MACF1: variants seen among roughly 807,000 people sequenced by gnomAD.
The protein encoded by MACF1 is microtubule actin crosslinking factor 1, also known as microtubule-actin cross-linking factor 1.
A neutral mutation model predicts 854.8 loss-of-function variants in MACF1; 193 were observed. That is an observed-to-expected ratio of 0.23 (90% CI 0.20 to 0.25). MACF1 has a LOEUF of 0.25. Ranked by LOEUF, MACF1 falls within the 10% of genes least tolerant of loss-of-function variation. The probability of loss-of-function intolerance (pLI) is 1.00; values close to 1 mark genes in which losing one functional copy is unlikely to be tolerated. For missense variants in MACF1, 7,722 were observed against 8,929.1 expected (o/e 0.86, Z 5.45); for synonymous variants, 3,185 against 3,226.7 (o/e 0.99, Z 0.44).
chr1:39,371,319 CAAAAAAAAAAAA>C (rs764951315), intron 51 of MACF1, among the ~76,000 whole-genome samples: 7 of 81,306 alleles, frequency 8.6e-5, no homozygotes, highest in African/African-American at 3.0e-4. Context: ...GACTCTGTCT[CAAAAAAAAAAAA>C]AAAAAAAAAG....
chr1:39,365,827 C>CA (rs1557612194), intron 49 of MACF1, among the ~76,000 whole-genome samples: 1 of 152,146 alleles, frequency 6.6e-6, no homozygotes, highest in East Asian at 1.9e-4. Context: ...AGGGGCCTGC[C>CA]ACCACGCCTG....
At chr1:39,121,856 G>A (rs1467777440) in intron 2 of MACF1, among the ~76,000 whole-genome samples, 1 of 152,176 alleles carries the variant, frequency 6.6e-6, no homozygotes, top group African/African-American at 2.4e-5. Flanking sequence ...TTCCCAGAGG[G>A]TCACACAGCT....
rs773109541 is a variant in MACF1, at chr1:39,427,630, A to G, written c.16476+16A>G. ...TCGGCACAAGGTAGGGAGTGGTTAC[A>G]GTAAATGAAAATAGAAAACTGGAAT... is the stretch of plus-strand genomic sequence containing the variant. On this transcript the variant is annotated intron_variant, in intron 62 of 100. Coordinates refer to ENST00000564288, the MANE Select transcript of MACF1 (RefSeq NM_001394062.1). 13 of 1,599,288 alleles carry G rather than the reference A, an allele frequency of 8.1e-6. No individual in the cohort carries two copies. The Admixed American group carries it at 2.0e-4, about 24-fold the overall frequency.
chr1:39,112,336 G>A (rs1000460567), intron 2 of MACF1, among the ~76,000 whole-genome samples: 17 of 151,870 alleles, frequency 1.1e-4, no homozygotes, highest in Admixed American at 9.8e-4. Flanking sequence ...TGCCCTCCTC[G>A]ACCTCTCAAA....
At chr1:39,224,540 G>A (rs923322732) in intron 1 of MACF1, among the ~76,000 whole-genome samples, 5 of 152,132 alleles carry the variant, frequency 3.3e-5, no homozygotes, top group African/African-American at 1.2e-4. Context: ...ACTGTGGGGA[G>A]AGCAATTTCA....
At chr1:39,135,381 G>A (rs1340908788) in intron 2 of MACF1, among the ~76,000 whole-genome samples, 1 of 152,020 alleles carries the variant, frequency 6.6e-6, no homozygotes, top group Non-Finnish European at 1.5e-5. Context: ...CGAGTAGCTG[G>A]GATTACAGGT....
chr1:39,121,277 A>C (rs1642702756), intron 2 of MACF1, among the ~76,000 whole-genome samples: 1 of 152,084 alleles, frequency 6.6e-6, no homozygotes, highest in African/African-American at 2.4e-5. Context: ...GTTTTAAAAA[A>C]GTTTAAATAA....
intron 5 of MACF1, 27 bp from the exon 6 acceptor site, chr1:39,257,909 T>TC (rs746351897): frequency 2.6e-6 from 4 of 1,544,098 alleles, no homozygotes; most frequent in Non-Finnish European, 3.6e-6. Context: ...CCTAGAGCTC[T>TC]GAGCCGTGCT....
Position 39,308,867 on chromosome 1 carries a change from G to T in MACF1, c.2790-703G>T, listed in dbSNP as rs151007046. On this transcript the variant is annotated intron_variant, in intron 23 of 100. Coordinates refer to ENST00000564288, the MANE Select transcript of MACF1 (RefSeq NM_001394062.1). Reference sequence around the variant, plus strand: ...GATGGGGTTTCTCCTTGTTGGTCAGGCTGGTCTTGAACTCCCGACCTCAGG... The same window carrying T: ...GATGGGGTTTCTCCTTGTTGGTCAGTCTGGTCTTGAACTCCCGACCTCAGG... Among the ~76,000 whole-genome samples, 745 of 152,034 alleles carry T rather than the reference G, an allele frequency of 4.9e-3. 9 individuals carry two copies. The highest frequency in any genetic ancestry group is 0.017 in the African/African-American group (698 of 41,468).
At chr1:39,464,998 T>G in intron 94 of MACF1, 97 bp from the exon 95 acceptor site, 1 of 1,071,668 alleles carries the variant, frequency 9.3e-7, no homozygotes, top group Non-Finnish European at 1.4e-6. Flanking sequence ...CAGAAAAATG[T>G]AATGATATGA....
intron 1 of MACF1, among the ~76,000 whole-genome samples, chr1:39,224,131 G>A (rs1341231495): frequency 6.6e-6 from 1 of 152,104 alleles, no homozygotes; most frequent in Non-Finnish European, 1.5e-5. Flanking sequence ...AAGGGAGAAT[G>A]TAAAGAACAG....
chr1:39,293,428 G>T, intron 17 of MACF1, 30 bp from the exon 18 acceptor site: 1 of 1,586,026 alleles, frequency 6.3e-7, no homozygotes, highest in East Asian at 2.2e-5. Flanking sequence ...AAGGCTGCCA[G>T]TCTAATCTTA....
rs1256498105 is a variant in MACF1, at chr1:39,084,671, CCTT to C, written c.220+238_220+240del. On this transcript the variant is annotated intron_variant, in intron 2 of 93. Coordinates refer to the MACF1 transcript ENST00000361689. The surrounding 1 kb of genome is among the most constrained non-coding windows in gnomAD (Gnocchi z 5.2). ...CGTGAGACCTGTTTTCATTTCTGCA[CCTT>C]CTTCCCTGTCTTTGTCCCCATTCAG... 1.3e-5 allele frequency among the ~76,000 whole-genome samples: 2 copies of C among 152,192 alleles called. No individual in the cohort carries two copies. The highest frequency in any genetic ancestry group is 2.9e-5 in the Non-Finnish European group (2 of 68,020).
At chr1:39,125,111 C>CA (rs977828195) in intron 2 of MACF1, among the ~76,000 whole-genome samples, 3 of 151,460 alleles carry the variant, frequency 2.0e-5, no homozygotes, top group East Asian at 3.9e-4. Flanking sequence ...AGCAATTAAA[C>CA]AAAAAAAGAC....
rs766388616 is a variant in MACF1 at position 39,333,675 on chromosome 1, G to A, written c.7087G>A (p.Val2363Ile). Residue 2363 changes from valine to isoleucine, a missense_variant, in exon 37 of 101, where the codon GTC (valine) becomes ATC (isoleucine). This residue lies in a region of MACF1 where 1,531 missense variants were observed against 1,601.6 expected (regional missense o/e 0.96). Coordinates refer to ENST00000564288, the MANE Select transcript of MACF1 (RefSeq NM_001394062.1). ...GLMDEKLLHN[V>I]LMADKAISGV... ...GATGGATGAGAAATTATTACATAAT[G>A]TCCTCATGGCAGACAAAGCTATAAG... 2 of 1,614,134 alleles carry A rather than the reference G, an allele frequency of 1.2e-6. No homozygotes were observed. Among genetic ancestry groups the A allele is most frequent in the South Asian group, 2.2e-5 (2 of 91,082 alleles).
chr1:39,112,243 C>T (rs576774917), intron 2 of MACF1, among the ~76,000 whole-genome samples: 22 of 152,112 alleles, frequency 1.4e-4, no homozygotes, highest in Non-Finnish European at 2.6e-4. Flanking sequence ...CATGCCACCA[C>T]GCCCAGCTAA....
At chr1:39,202,515 G>C (rs1442003645), upstream of MACF1, among the ~76,000 whole-genome samples, 5 of 151,724 alleles carry the variant, frequency 3.3e-5, no homozygotes, top group African/African-American at 1.2e-4. Flanking sequence ...CGTGCCTGTA[G>C]TCCCAGCTGC....
At chr1:39,114,179 A>G (rs1277029374) in intron 2 of MACF1, among the ~76,000 whole-genome samples, 1 of 91,182 alleles carries the variant, frequency 1.1e-5, no homozygotes, top group Non-Finnish European at 2.2e-5. Flanking sequence ...TGTATACTTT[A>G]CTGTTTTTTT....
intron 6 of MACF1, among the ~76,000 whole-genome samples, chr1:39,273,558 A>G (rs1645371155): frequency 6.6e-6 from 1 of 152,116 alleles, no homozygotes; most frequent in Non-Finnish European, 1.5e-5. Context: ...GGGAATGCAG[A>G]AGGTAAAGTT....
Sources: allele counts gnomAD v4.1 joint callset (sites outside exome capture counted in the v4.1 genomes callset), GRCh38; gene constraint gnomAD v4.1.1; regional missense constraint gnomAD v4.1.1; non-coding constraint Gnocchi (gnomAD v3.1); transcripts MANE v1.5; gene names NCBI Gene and HGNC (gene_info 2026-07-23, HGNC 2026-07-21).